Variants in LURAP1 observed in about 807,000 individuals in gnomAD.
LURAP1 encodes the protein NF-kappa-B activator C1orf190.
A neutral mutation model predicts 19.0 loss-of-function variants in LURAP1; 14 were observed. The observed-to-expected ratio is 0.74, with a 90% CI of 0.49 to 1.15. The LOEUF is 1.15. Ranked by LOEUF, LURAP1 falls within the 50% of genes most tolerant of loss-of-function variation. The pLI, the probability that LURAP1 is intolerant of heterozygous loss-of-function variation, is 0.00. For missense variants in LURAP1, 273 were observed against 309.1 expected, an observed-to-expected ratio of 0.88 and a Z score of 0.87; for synonymous variants, 129 against 131.8, an observed-to-expected ratio of 0.98 and a Z score of 0.14.
chr1:46,205,813 C>T (rs1438328345), intron 1 of LURAP1, among the ~76,000 whole-genome samples: 1 of 152,230 alleles, frequency 6.6e-6, no homozygotes, highest in Non-Finnish European at 1.5e-5. Context: ...CTCTGCCCTG[C>T]CTACTGGGTT....
At chr1:46,219,606 A>G (rs1659169101) in intron 1 of LURAP1, 93 bp from the exon 2 acceptor site, 2 of 1,352,634 alleles carry the variant, frequency 1.5e-6, no homozygotes, top group African/African-American at 1.5e-5. Flanking sequence ...AAAGTGAAAC[A>G]TGGTTGGCTG....
intron 1 of LURAP1, among the ~76,000 whole-genome samples, chr1:46,210,116 A>G (rs1658847735): frequency 6.6e-6 from 1 of 152,142 alleles, no homozygotes; most frequent in Non-Finnish European, 1.5e-5. Context: ...CAATTTCTCC[A>G]TTATCTTTGT....
At chr1:46,215,595 A>G (rs1659039311) in intron 1 of LURAP1, among the ~76,000 whole-genome samples, 1 of 152,200 alleles carries the variant, frequency 6.6e-6, no homozygotes, top group Non-Finnish European at 1.5e-5. Flanking sequence ...AAAGGCTAAC[A>G]CTGAAAATTA....
In LURAP1 at chr1:46,213,209, G is replaced by A. The variant is rs181375290; in HGVS notation, c.199-6490G>A. On this transcript the variant is annotated intron_variant, in intron 1 of 1. Coordinates refer to ENST00000371980, the MANE Select transcript of LURAP1 (RefSeq NM_001013615.3). The stretch of plus-strand genomic sequence containing the variant: ...ATACGACCAAAACATACGATGTTTC[G>A]ATGAACAGCATATACCATAGTGATT... 2.3e-4 allele frequency among the ~76,000 whole-genome samples: 35 copies of A among 151,222 alleles called. No homozygotes were observed. The East Asian group carries it at 2.9e-3, about 13-fold the overall frequency.
intron 1 of LURAP1, among the ~76,000 whole-genome samples, chr1:46,212,862 C>G (rs548601340): frequency 6.6e-6 from 1 of 152,050 alleles, no homozygotes; most frequent in Non-Finnish European, 1.5e-5. Context: ...CGAGTTCACA[C>G]CATTCTCTTG....
At position 46,203,595 on chromosome 1, in the gene LURAP1, G is replaced by T; in HGVS notation, c.169G>T (p.Asp57Tyr). The change falls in exon 1 of 2, where the codon GAC (aspartate) becomes TAC (tyrosine). Residue 57 changes from aspartate (D) to tyrosine (Y), a missense_variant. Coordinates refer to ENST00000371980, the MANE Select transcript of LURAP1 (RefSeq NM_001013615.3). ...GASSTGHDLG[D>Y]KIMALKMELA... ...GTCTAGCACCGGCCACGACTTGGGGGACAAGATCATGGCGCTGAAGATGGA... is the reference window on the plus strand; with the variant it reads ...GTCTAGCACCGGCCACGACTTGGGGTACAAGATCATGGCGCTGAAGATGGA... The T allele has an allele frequency of 6.3e-7, 1 of 1,593,534 alleles. No homozygotes were observed. Among genetic ancestry groups the T allele is most frequent in the Non-Finnish European group, 8.5e-7 (1 of 1,171,536 alleles).
chr1:46,203,783 AG>A (rs1658625092), intron 1 of LURAP1, among the ~76,000 whole-genome samples, 159 bp downstream of exon 1: 1 of 152,156 alleles, frequency 6.6e-6, no homozygotes, highest in Admixed American at 6.5e-5. Context: ...GCTGGGGTGG[AG>A]ATGGAGTGAC....
intron 1 of LURAP1, among the ~76,000 whole-genome samples, chr1:46,208,360 G>A (rs1658786040): frequency 6.6e-6 from 1 of 152,096 alleles, no homozygotes; most frequent in Non-Finnish European, 1.5e-5. Context: ...ACCTTCTGAA[G>A]GTAAGAAATG....
rs111362838 is a variant in LURAP1 at position 46,213,859 on chromosome 1, GA to G, written c.199-5828del. Reference sequence around the variant, plus strand: ...AATATGGGGAATATGATTAACTCAAGAAAAAAAAAAAAGATACAGACTTTAG... The same window carrying G: ...AATATGGGGAATATGATTAACTCAAGAAAAAAAAAAAGATACAGACTTTAG... On this transcript the variant is annotated intron_variant, in intron 1 of 1. Transcript: ENST00000371980. 2.4e-3 allele frequency among the ~76,000 whole-genome samples: 331 copies of G among 140,714 alleles called. 1 individual carries two copies. Among genetic ancestry groups the G allele is most frequent in the East Asian group, 4.5e-3 (22 of 4,914 alleles). The allele number at this position is 140,714 out of a possible 152,430, so 92.3% of individuals were successfully genotyped here.
rs1320467863 is a variant in LURAP1, at chr1:46,220,115, G to A, written c.615G>A (p.Arg205=). 3.1e-6 allele frequency: 5 copies of A among 1,614,200 alleles called. No homozygotes were observed. The highest frequency in any genetic ancestry group is 4.2e-6 in the Non-Finnish European group (5 of 1,180,036). ...CTGTGTGGAAGCCCCCAGGGGAGAG[G>A]CTTCAAGGTGGACCACCTGAGTCAC... is the stretch of plus-strand genomic sequence containing the variant. ...LRAVWKPPGE[R]LQGGPPESPE... is the part of the protein sequence containing the mutation. The change falls in exon 2 of 2, where the codon AGG becomes AGA. Residue 205 remains arginine, a synonymous_variant. Transcript: ENST00000371980.
At chr1:46,217,761 G>A (rs1469364283) in intron 1 of LURAP1, among the ~76,000 whole-genome samples, 1 of 152,148 alleles carries the variant, frequency 6.6e-6, no homozygotes, top group Non-Finnish European at 1.5e-5. Flanking sequence ...GCAGGCTGAG[G>A]CAAGAGAATC....
At chr1:46,217,977 C>G (rs1051275408) in intron 1 of LURAP1, among the ~76,000 whole-genome samples, 1 of 152,080 alleles carries the variant, frequency 6.6e-6, no homozygotes, top group Non-Finnish European at 1.5e-5. Flanking sequence ...GAGGTAAATA[C>G]CAAAATAAAC....
In LURAP1 at chr1:46,220,110, GA is replaced by G; in HGVS notation, c.611del (p.Glu204GlyfsTer33). 5.0e-6 allele frequency: 8 copies of G among 1,614,242 alleles called. No homozygotes were observed. The highest frequency in any genetic ancestry group is 6.8e-6 in the Non-Finnish European group (8 of 1,180,044). On this transcript the variant is annotated frameshift_variant, in exon 2 of 2. Transcript: ENST00000371980. LOFTEE classifies it high-confidence loss of function. The stretch of plus-strand genomic sequence containing the variant: ...GAGAGCTGTGTGGAAGCCCCCAGGG[GA>G]GAGGCTTCAAGGTGGACCACCTGAG... The part of the protein sequence containing the change: ...SLRAVWKPPG[E>X]RLQGGPPESP...
At chr1:46,207,544 C>A (rs1028137892) in intron 1 of LURAP1, among the ~76,000 whole-genome samples, 1 of 146,478 alleles carries the variant, frequency 6.8e-6, no homozygotes, top group African/African-American at 2.5e-5. Context: ...TTCTTTCTTT[C>A]TTTTTTTTTT....
chr1:46,205,794 C>G (rs1023683540), intron 1 of LURAP1, among the ~76,000 whole-genome samples: 8 of 152,198 alleles, frequency 5.3e-5, no homozygotes, highest in Non-Finnish European at 7.3e-5. Context: ...ATATTAATCT[C>G]TTCTTGTGCT....
rs552045780 is a variant in LURAP1, at chr1:46,206,209, G to A, written c.198+2585G>A. ...CAAGTCTTGGCTCTGCTTCTGAAAC[G>A]TTTTGTGGTCTTGAGCAGCACTCTG... On this transcript the variant is annotated intron_variant, in intron 1 of 1. Coordinates refer to ENST00000371980, the MANE Select transcript of LURAP1 (RefSeq NM_001013615.3). 5.9e-5 allele frequency among the ~76,000 whole-genome samples: 9 copies of A among 152,340 alleles called. No homozygotes were observed. In the South Asian group the frequency reaches 1.0e-3, roughly 18 times the overall value.
At chr1:46,209,085 C>T (rs771211542) in intron 1 of LURAP1, among the ~76,000 whole-genome samples, 8 of 152,128 alleles carry the variant, frequency 5.3e-5, no homozygotes, top group Non-Finnish European at 7.4e-5. Context: ...AGTGCAATGG[C>T]GCAATCTTGG....
intron 1 of LURAP1, 131 bp downstream of exon 1, chr1:46,203,755 C>A: frequency 1.2e-6 from 1 of 812,474 alleles, no homozygotes; most frequent in Non-Finnish European, 1.8e-6. Flanking sequence ...AGAATCCCTC[C>A]CAGATCAATC....
intron 1 of LURAP1, among the ~76,000 whole-genome samples, chr1:46,211,092 TAA>T (rs972012213): frequency 3.3e-5 from 5 of 152,134 alleles, no homozygotes; most frequent in African/African-American, 9.7e-5. Context: ...TTGGGCCTTT[TAA>T]AGAGACTTTA....
Sources: gnomAD v4.1 joint callset for allele counts (sites outside exome capture counted in the v4.1 genomes callset) on GRCh38, gnomAD v4.1.1 for gene constraint, MANE v1.5 for transcripts, NCBI Gene and HGNC (gene_info 2026-07-23, HGNC 2026-07-21) for gene names.